The following CALM3 variants were observed in gnomAD, a reference collection of about 807,000 sequenced individuals.
CALM3 encodes the protein calmodulin 3.
In CALM3, 5 loss-of-function variants were observed where a neutral mutation model predicts 20.1. The ratio of observed to expected loss-of-function variants is 0.25; its 90% confidence interval spans 0.13 to 0.52. CALM3 has a LOEUF of 0.52. Among genes scored for constraint, CALM3 ranks in the 20% least tolerant of loss-of-function variants. The pLI is 0.96. For synonymous variants in CALM3, 69 were observed against 68.1 expected (o/e 1.01, Z -0.06); for missense variants, 57 against 192.8 (o/e 0.30, Z 4.17).
chr19:46,601,273 G>T (rs552649147), upstream of CALM3: 49 of 475,434 alleles, frequency 1.0e-4, no homozygotes, highest in East Asian at 3.3e-3. This position sits in a 1 kb window ranked among gnomAD's most constrained non-coding sequence, Gnocchi z 4.2. Context: ...GCGCGCGGCG[G>T]CCGTTGAGGG....
Position 46,605,526 on chromosome 19 carries a change from C to G in CALM3, c.4-301C>G, listed in dbSNP as rs536423207. ...GGCTGGGGCAGGCTTTTCTCCCGCC[C>G]CTGTGGCTCCCACATGCTGAGTTGA... On this transcript the variant is annotated intron_variant, in intron 1 of 5. Transcript: ENST00000291295. This position sits in a 1 kb window ranked among gnomAD's most constrained non-coding sequence, Gnocchi z 4.1. 9.2e-5 allele frequency among the ~76,000 whole-genome samples: 14 copies of G among 152,366 alleles called. 1 individual carries two copies. Among genetic ancestry groups the G allele is most frequent in the African/African-American group, 3.4e-4 (14 of 41,590 alleles).
intron 1 of CALM3, chr19:46,602,562 C>T (rs979720434): frequency 9.2e-6 from 2 of 216,254 alleles, no homozygotes; most frequent in East Asian, 3.1e-4. Context: ...GCTGCAGGGC[C>T]CGGAGGAAGC....
rs559783307 is a variant in CALM3 at position 46,608,576 on chromosome 19, T to A, written c.273T>A (p.Arg91=). ...DSEEEIREAF[R]VFDKDGNGYI... The stretch of plus-strand genomic sequence containing the variant: ...AGGAGGAGATCCGAGAGGCGTTCCG[T>A]GTCTTTGACAAGGTAAGCAGCCCTC... The change falls in exon 4 of 6, where the codon CGT becomes CGA. Residue 91 remains arginine, a synonymous_variant. Coordinates refer to ENST00000291295, the MANE Select transcript of CALM3 (RefSeq NM_005184.4). The surrounding 1 kb of genome is among the most constrained non-coding windows in gnomAD (Gnocchi z 5.5). 14 of 1,613,316 alleles carry A rather than the reference T, an allele frequency of 8.7e-6. No individual in the cohort carries two copies. Among genetic ancestry groups the A allele is most frequent in the Non-Finnish European group, 1.2e-5 (14 of 1,179,228 alleles).
rs1410478076 is a variant in CALM3, at chr19:46,605,964, G to A, written c.34+107G>A. On this transcript the variant is annotated intron_variant, in intron 2 of 5. Transcript: ENST00000291295. This position sits in a 1 kb window ranked among gnomAD's most constrained non-coding sequence, Gnocchi z 4.1. ...TGATGGGTGAACCTGTGTATCCCTT[G>A]TGTCACCTAACACTATGCCTTGTGC... 8.2e-6 allele frequency: 8 copies of A among 979,260 alleles called. No homozygotes were observed. The highest frequency in any genetic ancestry group is 1.1e-5 in the Non-Finnish European group (7 of 611,842). The allele number at this position is 979,260 out of a possible 1,614,324, so 60.7% of individuals were successfully genotyped here. A position where few individuals can be genotyped will look rare whatever the true frequency, so the allele number is the denominator to read the frequency against.
At chr19:46,609,100 C>CCT (rs200365925) in intron 5 of CALM3, 25 bp from the exon 6 acceptor site, 2 of 1,613,904 alleles carry the variant, frequency 1.2e-6, no homozygotes, top group Non-Finnish European at 1.7e-6. Context: ...CGCCTGACCT[C>CCT]CTCTCTCTCT....
chr19:46,602,218 T>G (rs1293903899), intron 1 of CALM3: 14 of 1,351,978 alleles, frequency 1.0e-5, no homozygotes, highest in Non-Finnish European at 1.4e-5. Context: ...ATGGTGAGAG[T>G]GGGGCTCGCC....
In CALM3 at chr19:46,610,110, G is replaced by A. The variant is rs1971846108; in HGVS notation, c.*957G>A. ...TCAGAACCATGCTGGGCTAGCTAAA[G>A]GGTGGGGAGAGGGAAGATGGGCCCC... On this transcript the variant is annotated 3_prime_UTR_variant, in exon 6 of 6. Transcript: ENST00000291295. 1 of 152,584 alleles carries A rather than the reference G, an allele frequency of 6.6e-6. No homozygotes were observed. The highest frequency in any genetic ancestry group is 2.4e-5 in the African/African-American group (1 of 41,390). 9.5% of individuals were successfully genotyped at this position (152,584 alleles called of 1,614,324 possible).
chr19:46,608,409 C>G lies in CALM3; in HGVS notation c.178+69C>G. ...CCGAGTGACTGCAGGGAGCCTCTCT[C>G]AGGGTGATGGATGAGCCCGTGTCTC... On this transcript the variant is annotated intron_variant, in intron 3 of 5. Transcript: ENST00000291295. The surrounding 1 kb of genome is among the most constrained non-coding windows in gnomAD (Gnocchi z 5.5). The G allele has an allele frequency of 6.2e-7, 1 of 1,609,862 alleles. No homozygotes were observed. Among genetic ancestry groups the G allele is most frequent in the Non-Finnish European group, 8.5e-7 (1 of 1,176,344 alleles).
Position 46,601,388 on chromosome 19 carries a change from G to A in CALM3, c.-47G>A. 3 of 1,470,418 alleles carry A rather than the reference G, an allele frequency of 2.0e-6. No homozygotes were observed. The highest frequency in any genetic ancestry group is 2.1e-5 in the Admixed American group (1 of 46,718). The allele number at this position is 1,470,418 out of a possible 1,614,324, so 91.1% of individuals were successfully genotyped here. ...TGGAACTGCTGCAGCTGCTGCCGCC[G>A]CCGGAGGAACCTTGATCCCCGTGCT... is the stretch of plus-strand genomic sequence containing the variant. On this transcript the variant is annotated 5_prime_UTR_variant, in exon 1 of 6. Transcript: ENST00000291295. This position sits in a 1 kb window ranked among gnomAD's most constrained non-coding sequence, Gnocchi z 4.2.
intron 1 of CALM3, among the ~76,000 whole-genome samples, chr19:46,604,548 T>TG (rs910023373): frequency 1.2e-4 from 4 of 33,910 alleles, no homozygotes; most frequent in African/African-American, 8.9e-4. Flanking sequence ...TTCCGTTAGG[T>TG]TTTTTTTTTT....
chr19:46,610,174 C>T lies in CALM3; in HGVS notation c.*1021C>T, dbSNP rs1971848451. On this transcript the variant is annotated 3_prime_UTR_variant, in exon 6 of 6. Coordinates refer to ENST00000291295, the MANE Select transcript of CALM3 (RefSeq NM_005184.4). ...GAGAACGCACCTGCAATAAAACAGT[C>T]TTGTCGGCCAGCTGCCCAGGGGACG... is the stretch of plus-strand genomic sequence containing the variant. 6.6e-6 allele frequency: 1 copy of T among 152,660 alleles called. No individual in the cohort carries two copies. The highest frequency in any genetic ancestry group is 2.1e-4 in the South Asian group (1 of 4,832). 9.5% of individuals were successfully genotyped at this position (152,660 alleles called of 1,614,324 possible). A position where few individuals can be genotyped will look rare whatever the true frequency, so the allele number is the denominator to read the frequency against.
Position 46,608,443 on chromosome 19 carries a change from C to T in CALM3, c.179-39C>T, listed in dbSNP as rs760752804. On this transcript the variant is annotated intron_variant, in intron 3 of 5. Transcript: ENST00000291295. The surrounding 1 kb of genome is among the most constrained non-coding windows in gnomAD (Gnocchi z 5.5). Reference sequence around the variant, plus strand: ...GGATGAGCCCGTGTCTCTCAGGGCCCAGGCCAAGAGCATTCTCCATCCTTT... The same window carrying T: ...GGATGAGCCCGTGTCTCTCAGGGCCTAGGCCAAGAGCATTCTCCATCCTTT... The T allele has an allele frequency of 1.6e-5, 26 of 1,608,722 alleles. No homozygotes were observed. The highest frequency in any genetic ancestry group is 2.2e-5 in the Non-Finnish European group (26 of 1,175,168).
intron 1 of CALM3, among the ~76,000 whole-genome samples, chr19:46,604,541 C>T (rs1335828112): frequency 7.3e-6 from 1 of 136,174 alleles, no homozygotes; most frequent in South Asian, 2.3e-4. Flanking sequence ...GTTCTTCTTC[C>T]GTTAGGTTTT....
Position 46,609,846 on chromosome 19 carries a change from G to A in CALM3, c.*693G>A, listed in dbSNP as rs531766111. The A allele has an allele frequency of 2.0e-3, 307 of 153,162 alleles. 1 individual carries two copies. Among genetic ancestry groups the A allele is most frequent in the Non-Finnish European group, 3.7e-3 (251 of 68,358 alleles). 9.5% of individuals were successfully genotyped at this position (153,162 alleles called of 1,614,324 possible). On this transcript the variant is annotated 3_prime_UTR_variant, in exon 6 of 6. Coordinates refer to ENST00000291295, the MANE Select transcript of CALM3 (RefSeq NM_005184.4). ...CCATCTGATTGGCTTTCTGAGGTTT[G>A]GCTGGGTGGGGACTGCTCATTTGGC...
Position 46,609,339 on chromosome 19 carries a change from GTC to G in CALM3, c.*193_*194del. On this transcript the variant is annotated 3_prime_UTR_variant, in exon 6 of 6. Coordinates refer to ENST00000291295, the MANE Select transcript of CALM3 (RefSeq NM_005184.4). The stretch of plus-strand genomic sequence containing the variant: ...ATTGCTCTTTCTCCTTCTTCCCTGA[GTC>G]TCTCTCCATGCCCCTCATCTCTTCC... 1.5e-6 allele frequency: 1 copy of G among 653,870 alleles called. No homozygotes were observed. The allele number at this position is 653,870 out of a possible 1,614,324, so 40.5% of individuals were successfully genotyped here.
chr19:46,601,332 T>G lies in CALM3; in HGVS notation c.-103T>G. On this transcript the variant is annotated 5_prime_UTR_variant, in exon 1 of 6. Coordinates refer to ENST00000291295, the MANE Select transcript of CALM3 (RefSeq NM_005184.4). This position sits in a 1 kb window ranked among gnomAD's most constrained non-coding sequence, Gnocchi z 4.2. The stretch of plus-strand genomic sequence containing the variant: ...CGGCGGCGGCGCGCGCTGCGGGCAG[T>G]GAGTGTGGAGGCGCGGACGCGCGGC... 1.4e-5 allele frequency: 16 copies of G among 1,118,402 alleles called. No homozygotes were observed. Among genetic ancestry groups the G allele is most frequent in the East Asian group, 3.7e-5 (1 of 26,702 alleles). 69.3% of individuals were successfully genotyped at this position (1,118,402 alleles called of 1,614,324 possible).
In CALM3 at chr19:46,609,345, C is replaced by T. The variant is rs1243790024; in HGVS notation, c.*192C>T. 3.1e-6 allele frequency: 2 copies of T among 638,706 alleles called. No homozygotes were observed. The highest frequency in any genetic ancestry group is 1.8e-5 in the African/African-American group (1 of 55,236). 39.6% of individuals were successfully genotyped at this position (638,706 alleles called of 1,614,324 possible). A position where few individuals can be genotyped will look rare whatever the true frequency, so the allele number is the denominator to read the frequency against. On this transcript the variant is annotated 3_prime_UTR_variant, in exon 6 of 6. Coordinates refer to ENST00000291295, the MANE Select transcript of CALM3 (RefSeq NM_005184.4). ...CTTTCTCCTTCTTCCCTGAGTCTCT[C>T]TCCATGCCCCTCATCTCTTCCTTTT...
chr19:46,604,715 C>T (rs769744029), intron 1 of CALM3, among the ~76,000 whole-genome samples: 2 of 151,956 alleles, frequency 1.3e-5, no homozygotes, highest in Non-Finnish European at 2.9e-5. Flanking sequence ...CTCTCAGACT[C>T]GAGACTAGAA....
intron 2 of CALM3, among the ~76,000 whole-genome samples, chr19:46,607,431 C>T (rs984514628): frequency 2.6e-5 from 4 of 152,200 alleles, no homozygotes; most frequent in Non-Finnish European, 4.4e-5. Context: ...TAGAGGAGCA[C>T]CAGGTGCCAA....
Sources: gnomAD v4.1 joint callset for allele counts (sites outside exome capture counted in the v4.1 genomes callset) on GRCh38, gnomAD v4.1.1 for gene constraint, Gnocchi (gnomAD v3.1) non-coding constraint, MANE v1.5 for transcripts, NCBI Gene and HGNC (gene_info 2026-07-23, HGNC 2026-07-21) for gene names.